The following DMRTC1B variants were observed in gnomAD, a reference collection of about 807,000 sequenced individuals.
DMRTC1B encodes DMRT like family C1B, also known as doublesex- and mab-3-related transcription factor C1.
intron 1 of DMRTC1B, chrX:72,807,386 C>T: frequency 2.8e-6 from 1 of 362,441 alleles, no homozygotes; most frequent in Non-Finnish European, 4.4e-6. Flanking sequence ...CCCAGTTCAG[C>T]CGACGTGTTG....
chrX:72,809,229 GA>G (rs1420161360), intron 1 of DMRTC1B, among the ~76,000 whole-genome samples: 2 of 2,456 alleles, frequency 8.1e-4, no homozygotes, highest in Admixed American at 0.017. Context: ...TTTGGCTTTT[GA>G]AACAATAGTG....
chrX:72,807,969 ATC>A (rs2054666296), intron 1 of DMRTC1B: 1 of 340,439 alleles, frequency 2.9e-6, no homozygotes, highest in African/African-American at 4.7e-5. Context: ...TGTTGTGTGC[ATC>A]TCCGGCCCTC....
intron 1 of DMRTC1B, among the ~76,000 whole-genome samples, chrX:72,820,785 A>T (rs1317756237): frequency 1.4e-4 from 10 of 71,750 alleles, no homozygotes; most frequent in African/African-American, 5.3e-4. Context: ...CCCAACCGAG[A>T]TGTTTCTTAT....
chrX:72,820,451 G>T (rs1414640144), intron 1 of DMRTC1B, among the ~76,000 whole-genome samples: 1 of 104,961 alleles, frequency 9.5e-6, no homozygotes, highest in Admixed American at 1.0e-4. Flanking sequence ...ATTTGCTTAG[G>T]TTTAGTTTGC....
At chrX:72,820,041 C>T (rs1170429810) in intron 1 of DMRTC1B, among the ~76,000 whole-genome samples, 2 of 31 alleles carry the variant, frequency 0.065, no homozygotes, top group East Asian at 0.5. Context: ...AGTTTTTTTG[C>T]TTTTTGTTTT....
At chrX:72,808,266 C>A in intron 1 of DMRTC1B, 1 of 100,266 alleles carries the variant, frequency 1.0e-5, no homozygotes, top group Non-Finnish European at 1.4e-5. Flanking sequence ...TCCCTCCCCC[C>A]CTACAGCCTG....
chrX:72,820,531 T>G (rs1556348276), intron 1 of DMRTC1B, among the ~76,000 whole-genome samples: 49,662 of 100,782 alleles, frequency 0.49, 9,973 homozygotes, highest in Middle Eastern at 0.75. Context: ...TTTTTTTTTT[T>G]TTTTTTGAGA....
intron 1 of DMRTC1B, among the ~76,000 whole-genome samples, chrX:72,802,659 C>CAACAAAAAAACAAGAACATGAGG (rs2054642898): frequency 1.1e-5 from 1 of 94,420 alleles, no homozygotes; most frequent in Non-Finnish European, 2.3e-5. Context: ...ACAACAGCAA[C>CAACAAAAAAACAAGAACATGAGG]AACAAAAAAA....
intron 1 of DMRTC1B, among the ~76,000 whole-genome samples, chrX:72,840,197 GCAA>G: frequency 1.4e-4 from 1 of 7,152 alleles, no homozygotes; most frequent in African/African-American, 3.9e-4. Context: ...GCAAAGCAAA[GCAA>G]AGCAAAGCAA....
At chrX:72,839,399 G>A (rs1205241281) in intron 1 of DMRTC1B, among the ~76,000 whole-genome samples, 3 of 112,824 alleles carry the variant, frequency 2.7e-5, no homozygotes, top group Non-Finnish European at 5.6e-5. Context: ...ACTGGGTGAA[G>A]TGTTTGGAAC....
chrX:72,807,201 C>G (rs1480332647), intron 1 of DMRTC1B, among the ~76,000 whole-genome samples: 1 of 69,027 alleles, frequency 1.4e-5, no homozygotes, highest in African/African-American at 6.1e-5. Context: ...AGTGCCCCGC[C>G]AGGGTCAGAG....
At chrX:72,820,608 C>T (rs1216391875) in intron 1 of DMRTC1B, among the ~76,000 whole-genome samples, 1 of 99,619 alleles carries the variant, frequency 1.0e-5, no homozygotes, top group East Asian at 3.5e-4. Flanking sequence ...GGCTCCGCCC[C>T]CTGGGGTTCA....
chrX:72,820,702 T>C (rs2054692856), intron 1 of DMRTC1B, among the ~76,000 whole-genome samples: 1 of 76,594 alleles, frequency 1.3e-5, no homozygotes, highest in African/African-American at 4.9e-5. Context: ...GTATTTTTAG[T>C]AGAGACGGGG....
intron 1 of DMRTC1B, among the ~76,000 whole-genome samples, chrX:72,839,309 G>A (rs2054717394): frequency 9.0e-6 from 1 of 110,580 alleles, no homozygotes; most frequent in Non-Finnish European, 1.9e-5. Context: ...CCCCTTCATT[G>A]TTACATTTCT....
chrX:72,815,593 G>A (rs1473003814), intron 1 of DMRTC1B, among the ~76,000 whole-genome samples: 2 of 110,423 alleles, frequency 1.8e-5, no homozygotes, highest in Non-Finnish European at 1.9e-5. Context: ...CACATACAGT[G>A]CTTCAATCTC....
At chrX:72,840,183 AAAAGCAAAGCAAAGC>A (rs781802857) in intron 1 of DMRTC1B, among the ~76,000 whole-genome samples, 10,336 of 72,462 alleles carry the variant, frequency 0.14, 1,103 homozygotes, top group East Asian at 0.62. Context: ...AGCAAAGAGA[AAAAGCAAAGCAAAGC>A]AAAGCAAAGC....
intron 1 of DMRTC1B, among the ~76,000 whole-genome samples, chrX:72,820,310 T>A (rs1276400063): frequency 1.6e-5 from 1 of 63,210 alleles, no homozygotes; most frequent in East Asian, 5.1e-4. Context: ...TTGATCAATC[T>A]GGCTTACAGT....
At chrX:72,820,833 T>C (rs1453955365) in intron 1 of DMRTC1B, among the ~76,000 whole-genome samples, 1 of 54,535 alleles carries the variant, frequency 1.8e-5, no homozygotes, top group Non-Finnish European at 3.4e-5. Context: ...ATACATTTTC[T>C]TCTAAGCACT....
intron 1 of DMRTC1B, among the ~76,000 whole-genome samples, chrX:72,820,875 G>A (rs1476474108): frequency 7.0e-4 from 24 of 34,390 alleles, no homozygotes; most frequent in African/African-American, 2.4e-3. Context: ...TTGACATGCT[G>A]AGTCTTCATT....
Sources: allele counts gnomAD v4.1 joint callset (sites outside exome capture counted in the v4.1 genomes callset), GRCh38; gene constraint gnomAD v4.1.1; transcripts MANE v1.5; gene names NCBI Gene and HGNC (gene_info 2026-07-23, HGNC 2026-07-21).